The following METTL6 variants were observed in gnomAD, a reference collection of about 807,000 sequenced individuals.
METTL6 encodes the protein tRNA N(3)-cytidine methyltransferase METTL6.
METTL6 carries 22 observed loss-of-function variants against 26.4 expected under a neutral mutation model. The observed-to-expected ratio is 0.83, with a 90% CI of 0.59 to 1.19. The LOEUF (loss-of-function observed/expected upper bound fraction) is 1.19, where lower values mean the gene tolerates loss of function less well. METTL6 is among the 50% of genes most tolerant of loss of function. The pLI is 0.00. For missense variants in METTL6, 304 were observed against 324.8 expected, an observed-to-expected ratio of 0.94 and a Z score of 0.49; for synonymous variants, 109 against 116.2, an observed-to-expected ratio of 0.94 and a Z score of 0.40.
chr3:15,397,529 C>G (rs1262713877), intron 6 of METTL6, among the ~76,000 whole-genome samples: 1 of 152,108 alleles, frequency 6.6e-6, no homozygotes, highest in African/African-American at 2.4e-5. Flanking sequence ...TGAGATGCAC[C>G]CGGTACCTCA....
intron 6 of METTL6, among the ~76,000 whole-genome samples, chr3:15,392,013 C>G (rs1699363221): frequency 6.6e-6 from 1 of 152,080 alleles, no homozygotes; most frequent in Non-Finnish European, 1.5e-5. Context: ...GGTATATACC[C>G]AGTAATGGGA....
intron 6 of METTL6, among the ~76,000 whole-genome samples, chr3:15,395,401 G>C (rs568455559): frequency 6.6e-6 from 1 of 152,258 alleles, no homozygotes; most frequent in South Asian, 2.1e-4. Context: ...ATCTTTGCAT[G>C]TGAGATGGGT....
At chr3:15,404,059 A>G (rs1037008023) in intron 6 of METTL6, among the ~76,000 whole-genome samples, 2 of 152,036 alleles carry the variant, frequency 1.3e-5, no homozygotes, top group African/African-American at 4.8e-5. Context: ...TTTATGACCT[A>G]TATCTTATGC....
At chr3:15,417,329 C>T (rs970817139) in intron 3 of METTL6, among the ~76,000 whole-genome samples, 1 of 152,020 alleles carries the variant, frequency 6.6e-6, no homozygotes, top group African/African-American at 2.4e-5. Flanking sequence ...GTGACCCGCA[C>T]CTGTAGTCCC....
chr3:15,409,635 T>C (rs1452226685), downstream of METTL6, among the ~76,000 whole-genome samples: 1 of 151,944 alleles, frequency 6.6e-6, no homozygotes, highest in Non-Finnish European at 1.5e-5. Context: ...GAAACAGCAC[T>C]GGACAAATGG....
intron 6 of METTL6, among the ~76,000 whole-genome samples, chr3:15,398,486 A>G (rs557534771): frequency 1.3e-5 from 2 of 152,178 alleles, no homozygotes; most frequent in African/African-American, 4.8e-5. Context: ...GAGCCACTGC[A>G]GCTGGCCCAA....
Position 15,392,684 on chromosome 3 carries a change from G to A in METTL6, c.*12-8497C>T, listed in dbSNP as rs543330151. ...GAATTAATTTTAGTATAAGGAATAA[G>A]GAAGGGATCCAGTTTCAGCTTTCTA... On this transcript the variant is annotated intron_variant, in intron 6 of 6. Transcript: ENST00000443029. 1.1e-3 allele frequency among the ~76,000 whole-genome samples: 163 copies of A among 152,294 alleles called. 1 individual carries two copies. The highest frequency in any genetic ancestry group is 3.8e-3 in the African/African-American group (159 of 41,566).
chr3:15,387,999 CAA>C (rs908728026), intron 6 of METTL6, among the ~76,000 whole-genome samples: 4 of 151,972 alleles, frequency 2.6e-5, no homozygotes, highest in African/African-American at 9.7e-5. Context: ...CTGCAGTAGA[CAA>C]AGAGTAATTC....
chr3:15,402,068 C>A (rs900756012), intron 6 of METTL6, among the ~76,000 whole-genome samples: 22 of 152,282 alleles, frequency 1.4e-4, no homozygotes, highest in African/African-American at 4.8e-4. Flanking sequence ...TCCAGTAACA[C>A]AATGGGTTCA....
At position 15,411,282 on chromosome 3, in the gene METTL6, C is replaced by G; in HGVS notation, c.829G>C (p.Val277Leu). 1 of 1,614,082 alleles carries G rather than the reference C, an allele frequency of 6.2e-7. No individual in the cohort carries two copies. ...CAGGACTTAGGATCCAGGCCCAGGA[C>G]CACAGGAGATGGGTTCTTAGGAGGC... is the stretch of plus-strand genomic sequence containing the variant. ...LKPPKNPSPV[V>L]LGLDPKS Residue 277 changes from valine to leucine, a missense_variant, in exon 6 of 6, where the codon GTC becomes CTC. Coordinates refer to ENST00000383790, the MANE Select transcript of METTL6 (RefSeq NM_152396.4).
At chr3:15,395,926 C>A (rs958964625) in intron 6 of METTL6, among the ~76,000 whole-genome samples, 1 of 152,174 alleles carries the variant, frequency 6.6e-6, no homozygotes, top group African/African-American at 2.4e-5. Flanking sequence ...CTGCCCTTAA[C>A]ATTTTTTCCT....
chr3:15,389,774 C>T (rs1433648750), intron 6 of METTL6, among the ~76,000 whole-genome samples: 1 of 151,672 alleles, frequency 6.6e-6, no homozygotes, highest in Non-Finnish European at 1.5e-5. Context: ...GTCTCAAACT[C>T]CCGACCTCAG....
intron 3 of METTL6, among the ~76,000 whole-genome samples, chr3:15,421,303 G>C (rs1259481470): frequency 6.6e-6 from 1 of 152,196 alleles, no homozygotes; most frequent in Non-Finnish European, 1.5e-5. Context: ...CATACTGCGT[G>C]ATCTTAATCC....
intron 6 of METTL6, among the ~76,000 whole-genome samples, chr3:15,394,106 G>A (rs1467594133): frequency 6.6e-6 from 1 of 152,096 alleles, no homozygotes; most frequent in African/African-American, 2.4e-5. Context: ...GGTAGAATTC[G>A]GCTGTGAATC....
chr3:15,414,327 C>G (rs1700098186), intron 4 of METTL6, 165 bp from the exon 5 acceptor site: 2 of 1,412,830 alleles, frequency 1.4e-6, no homozygotes, highest in African/African-American at 1.5e-5. Flanking sequence ...ATAGTAAGAC[C>G]AGGCAGGGCT....
At chr3:15,394,734 T>C (rs1429064423) in intron 6 of METTL6, among the ~76,000 whole-genome samples, 1 of 152,268 alleles carries the variant, frequency 6.6e-6, no homozygotes, top group Non-Finnish European at 1.5e-5. Flanking sequence ...CATCTTTATT[T>C]CTGCCTTCAT....
chr3:15,424,631 TA>T (rs2061679111), intron 3 of METTL6, among the ~76,000 whole-genome samples: 1 of 152,170 alleles, frequency 6.6e-6, no homozygotes, highest in Non-Finnish European at 1.5e-5. Context: ...AGGCCTTTTT[TA>T]AGGGGAGATG....
intron 6 of METTL6, among the ~76,000 whole-genome samples, chr3:15,387,268 G>A (rs1231712839): frequency 1.3e-5 from 2 of 152,154 alleles, no homozygotes; most frequent in Non-Finnish European, 2.9e-5. Context: ...CCTAACTACC[G>A]ATTCTAACAT....
chr3:15,404,219 C>T (rs952584629), intron 6 of METTL6, among the ~76,000 whole-genome samples: 4 of 152,178 alleles, frequency 2.6e-5, no homozygotes, highest in Non-Finnish European at 5.9e-5. Flanking sequence ...TTCACCCCTA[C>T]CCTGCACTCC....
Sources: gnomAD v4.1 joint callset for allele counts (sites outside exome capture counted in the v4.1 genomes callset) on GRCh38, gnomAD v4.1.1 for gene constraint, MANE v1.5 for transcripts, NCBI Gene and HGNC (gene_info 2026-07-23, HGNC 2026-07-21) for gene names.